SCN11A: variants seen among roughly 807,000 people sequenced by gnomAD.
SCN11A encodes the protein sodium voltage-gated channel alpha subunit 11.
A neutral mutation model predicts 162.2 loss-of-function variants in SCN11A; 122 were observed. The ratio of observed to expected loss-of-function variants is 0.75; its 90% CI spans 0.65 to 0.87. The LOEUF is 0.87. Among genes scored for constraint, SCN11A ranks in the 40% least tolerant of loss-of-function variants. SCN11A has a pLI of 0.00. For missense variants in SCN11A, 2,015 were observed against 2,181.6 expected, an observed-to-expected ratio of 0.92 and a Z score of 1.52; for synonymous variants, 758 against 751.5, an observed-to-expected ratio of 1.01 and a Z score of -0.14.
intron 7 of SCN11A, among the ~76,000 whole-genome samples, chr3:38,932,537 C>T (rs367888270): frequency 6.6e-6 from 1 of 152,114 alleles, no homozygotes; most frequent in Non-Finnish European, 1.5e-5. Context: ...GCTTTTCCGA[C>T]GGGCTTAAAA....
intron 2 of SCN11A, among the ~76,000 whole-genome samples, chr3:39,013,769 A>G (rs2031211095): frequency 1.3e-5 from 2 of 152,224 alleles, no homozygotes; most frequent in Admixed American, 6.5e-5. Context: ...CTCATCTGTC[A>G]TGTTGTCCAC....
At chr3:38,891,860 G>A (rs1295748713) in intron 19 of SCN11A, among the ~76,000 whole-genome samples, 2 of 151,998 alleles carry the variant, frequency 1.3e-5, no homozygotes, top group Non-Finnish European at 2.9e-5. Context: ...TTGTTACTTT[G>A]GGAATTAATT....
intron 2 of SCN11A, among the ~76,000 whole-genome samples, chr3:38,995,797 T>TTGTCTATCTATCTGTCTGTC (rs1398756748): frequency 2.9e-4 from 32 of 108,554 alleles, no homozygotes; most frequent in African/African-American, 1.4e-3. Context: ...TCACAATAAA[T>TTGTCTATCTATCTGTCTGTC]TGTCTATCTA....
chr3:39,042,967 AAAAAAAAAAAAAG>A (rs564349914), intron 1 of SCN11A, among the ~76,000 whole-genome samples: 3,929 of 148,554 alleles, frequency 0.026, 61 homozygotes, highest in Middle Eastern at 0.07. Flanking sequence ...CAAAAAAAAA[AAAAAAAAAAAAAG>A]AAAAAGAAAA....
intron 23 of SCN11A, among the ~76,000 whole-genome samples, chr3:38,874,428 T>C (rs1190404272): frequency 1.3e-5 from 2 of 152,070 alleles, no homozygotes; most frequent in Non-Finnish European, 2.9e-5. Flanking sequence ...TAAAACCCTG[T>C]CTCCATAAAA....
intron 3 of SCN11A, among the ~76,000 whole-genome samples, chr3:38,959,042 G>A (rs1559556614): frequency 6.6e-6 from 1 of 152,148 alleles, no homozygotes; most frequent in Non-Finnish European, 1.5e-5. Flanking sequence ...ATCCTAACCA[G>A]TAAGGGAAAT....
intron 2 of SCN11A, among the ~76,000 whole-genome samples, chr3:38,977,530 A>G (rs994133259): frequency 6.6e-6 from 1 of 152,234 alleles, no homozygotes; most frequent in Non-Finnish European, 1.5e-5. Flanking sequence ...TTGATACATC[A>G]TAAGTGCTCA....
At chr3:38,911,633 G>GT (rs1427741335) in intron 11 of SCN11A, among the ~76,000 whole-genome samples, 1 of 152,036 alleles carries the variant, frequency 6.6e-6, no homozygotes, top group East Asian at 1.9e-4. Flanking sequence ...TTCCTACTTA[G>GT]TCAAAAGTTG....
intron 2 of SCN11A, among the ~76,000 whole-genome samples, chr3:39,018,247 T>C (rs1447295067): frequency 6.6e-6 from 1 of 152,338 alleles, no homozygotes; most frequent in East Asian, 1.9e-4. Flanking sequence ...CACTGATCAG[T>C]ACTCTGCCAA....
intron 11 of SCN11A, among the ~76,000 whole-genome samples, chr3:38,911,206 T>C (rs73828711): frequency 0.016 from 2,423 of 152,302 alleles, 67 homozygotes; most frequent in African/African-American, 0.056. Flanking sequence ...TCTGGAGCAC[T>C]TGTCAATTAG....
At chr3:38,959,042 G>C (rs1559556614) in intron 3 of SCN11A, among the ~76,000 whole-genome samples, 1 of 152,148 alleles carries the variant, frequency 6.6e-6, no homozygotes, top group African/African-American at 2.4e-5. Context: ...ATCCTAACCA[G>C]TAAGGGAAAT....
At chr3:39,019,467 G>A (rs1009017872) in intron 2 of SCN11A, among the ~76,000 whole-genome samples, 2 of 152,178 alleles carry the variant, frequency 1.3e-5, no homozygotes, top group African/African-American at 4.8e-5. Context: ...TGTGTGACGT[G>A]GCCGGCCTCA....
At position 39,051,888 on chromosome 3, in the gene SCN11A, C is replaced by T; in HGVS notation, c.-431G>A. On this transcript the variant is annotated 5_prime_UTR_variant, in exon 1 of 30. Coordinates refer to ENST00000302328, the MANE Select transcript of SCN11A (RefSeq NM_001349253.2). ...CATCACATGGCTACCGGCCACACAGCAACTAACAGCACCGAGGAAACACAA... is the reference window on the plus strand; with the variant it reads ...CATCACATGGCTACCGGCCACACAGTAACTAACAGCACCGAGGAAACACAA... The T allele has an allele frequency of 9.8e-7, 1 of 1,020,084 alleles. No homozygotes were observed. The highest frequency in any genetic ancestry group is 1.5e-6 in the Non-Finnish European group (1 of 676,632). The allele number at this position is 1,020,084 out of a possible 1,614,324, so 63.2% of individuals were successfully genotyped here. A position where few individuals can be genotyped will look rare whatever the true frequency, so the allele number is the denominator to read the frequency against.
At chr3:38,950,934 G>A (rs1319238638) in intron 4 of SCN11A, among the ~76,000 whole-genome samples, 3 of 152,232 alleles carry the variant, frequency 2.0e-5, no homozygotes, top group Admixed American at 6.5e-5. Context: ...CCCCCATGCC[G>A]GCTCTCTCAC....
Position 38,846,844 on chromosome 3 carries a change from C to T in SCN11A, c.5226G>A (p.Lys1742=). Residue 1742 remains lysine (K), a synonymous_variant, in exon 30 of 30, where the codon AAG becomes AAA. Coordinates refer to ENST00000302328, the MANE Select transcript of SCN11A (RefSeq NM_001349253.2). ...EEERGAAIIQ[K]AFRKYMMKVT... ...CCTTCATCATGTACTTTCGAAAGGC[C>T]TTTTGAATAATAGCAGCACCTCTTT... 6.2e-7 allele frequency: 1 copy of T among 1,613,886 alleles called. No homozygotes were observed. The highest frequency in any genetic ancestry group is 2.2e-5 in the East Asian group (1 of 44,854).
At chr3:38,904,971 G>C (rs1185476261) in intron 15 of SCN11A, among the ~76,000 whole-genome samples, 1 of 152,172 alleles carries the variant, frequency 6.6e-6, no homozygotes, top group Non-Finnish European at 1.5e-5. Flanking sequence ...CCTCTACCCA[G>C]GTGCCAGTTT....
chr3:38,944,233 C>T (rs1197183490), intron 7 of SCN11A, among the ~76,000 whole-genome samples: 2 of 152,312 alleles, frequency 1.3e-5, no homozygotes, highest in Non-Finnish European at 2.9e-5. Flanking sequence ...TTAGAATACA[C>T]TGCTGATGGC....
intron 7 of SCN11A, among the ~76,000 whole-genome samples, chr3:38,931,629 A>G (rs985082647): frequency 2.0e-5 from 3 of 152,148 alleles, no homozygotes; most frequent in African/African-American, 7.2e-5. Context: ...TCATCAATCC[A>G]TTTTTCCTTG....
At chr3:38,966,806 C>CACAG (rs2066785299) in intron 2 of SCN11A, among the ~76,000 whole-genome samples, 2 of 152,228 alleles carry the variant, frequency 1.3e-5, no homozygotes, top group Non-Finnish European at 2.9e-5. Flanking sequence ...TCCTTGGCTT[C>CACAG]TGTGAAGCCT....
Sources: allele counts gnomAD v4.1 joint callset (sites outside exome capture counted in the v4.1 genomes callset), GRCh38; gene constraint gnomAD v4.1.1; transcripts MANE v1.5; gene names NCBI Gene and HGNC (gene_info 2026-07-23, HGNC 2026-07-21).